ADGRG1: variants seen among roughly 807,000 people sequenced by gnomAD.
ADGRG1 encodes the protein 7-transmembrane protein with no EGF-like N-terminal domains-1.
ADGRG1 carries 53 observed loss-of-function variants against 73.5 expected under a neutral mutation model. That is an observed-to-expected ratio of 0.72 (90% confidence interval 0.58 to 0.91). ADGRG1 has a LOEUF of 0.91. Among genes scored for constraint, ADGRG1 ranks in the 40% least tolerant of loss-of-function variants. The probability of loss-of-function intolerance (pLI) is 0.00; values close to 1 mark genes in which losing one functional copy is unlikely to be tolerated. For synonymous variants in ADGRG1, 394 were observed against 374.4 expected (o/e 1.05, Z -0.60); for missense variants, 795 against 871.8 (o/e 0.91, Z 1.11).
intron 11 of ADGRG1, among the ~76,000 whole-genome samples, chr16:57,659,994 G>A (rs1470039829): frequency 6.6e-6 from 1 of 152,236 alleles, no homozygotes; most frequent in African/African-American, 2.4e-5. Context: ...AGAGATCAGA[G>A]GGGCTGAAAT....
chr16:57,660,466 C>G, intron 11 of ADGRG1: 1 of 852,956 alleles, frequency 1.2e-6, no homozygotes, highest in Non-Finnish European at 1.4e-6. Flanking sequence ...CTGCCCCTCC[C>G]ATCTCCCCTG....
At chr16:57,644,079 T>G in intron 1 of ADGRG1, 1 of 985,384 alleles carries the variant, frequency 1.0e-6, no homozygotes. Context: ...AGGAAACACC[T>G]GCAAGAGCCC....
intron 1 of ADGRG1, 89 bp downstream of exon 1, chr16:57,628,891 TGA>T (rs1180521896): frequency 5.9e-6 from 5 of 852,414 alleles, no homozygotes; most frequent in African/African-American, 5.1e-5. Flanking sequence ...TGTGAGAGTG[TGA>T]GTGTGTGAGT....
At chr16:57,642,359 T>C in intron 1 of ADGRG1, 1 of 985,322 alleles carries the variant, frequency 1.0e-6, no homozygotes, top group Non-Finnish European at 1.2e-6. Context: ...GGGGAATGCC[T>C]AAGTGTCTCC....
At chr16:57,624,440 G>C (rs2035449422), upstream of ADGRG1, among the ~76,000 whole-genome samples, 1 of 152,198 alleles carries the variant, frequency 6.6e-6, no homozygotes, top group Admixed American at 6.5e-5. Flanking sequence ...GATTGAGGCT[G>C]TAGAGAGCTA....
rs2043961764 is a variant in ADGRG1, at chr16:57,651,081, T to C, written c.65-119T>C. 18 of 1,595,736 alleles carry C rather than the reference T, an allele frequency of 1.1e-5. No individual in the cohort carries two copies. In the East Asian group the frequency reaches 4.0e-4, roughly 36 times the overall value. On this transcript the variant is annotated intron_variant, in intron 2 of 13. Transcript: ENST00000562631. ...AGACTAACACATTTTTGTAGACCCT[T>C]GGAATGTGTGTGAATCTCAGGCTCC...
chr16:57,658,495 G>A (rs2046296198), intron 10 of ADGRG1, among the ~76,000 whole-genome samples: 1 of 152,236 alleles, frequency 6.6e-6, no homozygotes, highest in African/African-American at 2.4e-5. Flanking sequence ...GGAGAGGAAA[G>A]TGAAGCTGTA....
Position 57,656,287 on chromosome 16 carries a change from TCTCTGGG to T in ADGRG1, c.1063+19_1063+25del. ...GACCCCACATGTGAGTATGCAGGGGTCTCTGGGCTGGACAAGTATCTGGAAGAGAAAT... is the reference window on the plus strand; with the variant it reads ...GACCCCACATGTGAGTATGCAGGGGTCTGGACAAGTATCTGGAAGAGAAAT... On this transcript the variant is annotated intron_variant, in intron 8 of 13. Transcript: ENST00000562631. 2 of 1,549,826 alleles carry T rather than the reference TCTCTGGG, an allele frequency of 1.3e-6. No homozygotes were observed. The highest frequency in any genetic ancestry group is 1.8e-6 in the Non-Finnish European group (2 of 1,141,704).
In ADGRG1 at chr16:57,653,183, C is replaced by T; in HGVS notation, c.488-20C>T. 1 of 1,603,604 alleles carries T rather than the reference C, an allele frequency of 6.2e-7. No homozygotes were observed. The highest frequency in any genetic ancestry group is 8.5e-7 in the Non-Finnish European group (1 of 1,179,706). On this transcript the variant is annotated intron_variant, in intron 3 of 13. Transcript: ENST00000562631. ...CCTGAATCGGCAGCCTCGGCGGGGG[C>T]CTGTCCACCCCTCCCCCAGGTCCTC...
upstream of ADGRG1, chr16:57,625,625 T>C (rs949482564): frequency 4.0e-5 from 39 of 983,470 alleles, no homozygotes; most frequent in Admixed American, 6.1e-5. Context: ...CCTCCAATTC[T>C]GGAATCCCCT....
rs144338344 is a variant in ADGRG1, at chr16:57,641,364, A to T, written c.-35-8889A>T. The T allele has an allele frequency of 1.8e-3, 1,805 of 984,588 alleles. 8 individuals carry two copies. In the Middle Eastern group the frequency reaches 0.026, roughly 14 times the overall value. The allele number at this position is 984,588 out of a possible 1,614,324, so 61.0% of individuals were successfully genotyped here. A position where few individuals can be genotyped will look rare whatever the true frequency, so the allele number is the denominator to read the frequency against. ...CCTCAGCTGCTCCTTGGAGATGGCC[A>T]GGTGGAGACTTGGCCATGAACCTCT... is the stretch of plus-strand genomic sequence containing the variant. On this transcript the variant is annotated intron_variant, in intron 1 of 13. Coordinates refer to ENST00000562631, the MANE Select transcript of ADGRG1 (RefSeq NM_201525.4).
chr16:57,661,339 G>A (rs189865754), intron 12 of ADGRG1: 247 of 984,974 alleles, frequency 2.5e-4, no homozygotes, highest in African/African-American at 6.1e-4. Flanking sequence ...GGCTGGCAGC[G>A]GCCCTGCCTG....
At chr16:57,661,249 C>T (rs1209103575) in intron 12 of ADGRG1, 5 of 983,554 alleles carry the variant, frequency 5.1e-6, no homozygotes, top group Non-Finnish European at 6.0e-6. Flanking sequence ...CTTGGCCACA[C>T]TGAGGGCTGG....
Position 57,644,460 on chromosome 16 carries a change from T to A in ADGRG1, c.-35-5793T>A, listed in dbSNP as rs554753564. The stretch of plus-strand genomic sequence containing the variant: ...CACACATTCATGCACATGCACACAC[T>A]CATGCACGGGCACACACACCCATGC... On this transcript the variant is annotated intron_variant, in intron 1 of 13. Transcript: ENST00000562631. Among the ~76,000 whole-genome samples, 21 of 107,064 alleles carry A rather than the reference T, an allele frequency of 2.0e-4. No homozygotes were observed. The East Asian group carries it at 4.4e-3, about 22-fold the overall frequency. 70.2% of individuals were successfully genotyped at this position (107,064 alleles called of 152,430 possible).
At chr16:57,650,762 G>T (rs1410263728) in intron 2 of ADGRG1, among the ~76,000 whole-genome samples, 3 of 144,234 alleles carry the variant, frequency 2.1e-5, no homozygotes, top group African/African-American at 7.9e-5. Flanking sequence ...AGGCTGGAGT[G>T]CAGTGGCGGG....
At chr16:57,661,447 T>TGAAA in intron 12 of ADGRG1, 1 of 984,954 alleles carries the variant, frequency 1.0e-6, no homozygotes, top group Non-Finnish European at 1.2e-6. Flanking sequence ...TTTTCAGCTC[T>TGAAA]TTATGTTGTG....
rs1175807595 is a variant in ADGRG1, at chr16:57,654,415, C to A, written c.768+282C>A. ...CCTAAACGCCTGTCCACGCACCCCC[C>A]CCCCCCGTTTTTTTTTTTTCGAGAC... On this transcript the variant is annotated intron_variant, in intron 5 of 13. Coordinates refer to ENST00000562631, the MANE Select transcript of ADGRG1 (RefSeq NM_201525.4). Among the ~76,000 whole-genome samples the A allele has an allele frequency of 0.028, 3,824 of 136,970 alleles. 158 individuals carry two copies. Among genetic ancestry groups the A allele is most frequent in the African/African-American group, 0.078 (2,948 of 37,908 alleles). The allele number at this position is 136,970 out of a possible 152,430, so 89.9% of individuals were successfully genotyped here.
intron 1 of ADGRG1, chr16:57,646,675 T>C (rs745847144): frequency 2.5e-5 from 25 of 985,206 alleles, no homozygotes; most frequent in Non-Finnish European, 3.0e-5. Flanking sequence ...CTGGGGCCTT[T>C]ATCAATGCCA....
At chr16:57,629,890 G>A (rs1469049579) in intron 1 of ADGRG1, 3 of 425,064 alleles carry the variant, frequency 7.1e-6, no homozygotes, top group Non-Finnish European at 9.4e-6. Context: ...GTCTCCCTGT[G>A]CCCCACTGGG....
Sources: gnomAD v4.1 joint callset for allele counts (sites outside exome capture counted in the v4.1 genomes callset) on GRCh38, gnomAD v4.1.1 for gene constraint, MANE v1.5 for transcripts, NCBI Gene and HGNC (gene_info 2026-07-23, HGNC 2026-07-21) for gene names.